DZIP1L: variants seen among roughly 807,000 people sequenced by gnomAD.
DZIP1L encodes DAZ interacting zinc finger protein 1 like, also known as cilium assembly protein DZIP1L.
Under a neutral mutation model 88.7 loss-of-function variants are expected in DZIP1L, and 90 were observed. The ratio of observed to expected loss-of-function variants is 1.02; its 90% CI spans 0.86 to 1.21. The LOEUF is 1.21. Ranked by LOEUF, DZIP1L falls within the 50% of genes most tolerant of loss-of-function variation. DZIP1L has a pLI of 0.00. For missense variants in DZIP1L, 932 were observed against 955.8 expected (o/e 0.98, Z 0.33); for synonymous variants, 363 against 372.1 (o/e 0.98, Z 0.28).
chr3:138,075,809 C>T (rs946187123), intron 11 of DZIP1L, among the ~76,000 whole-genome samples: 1 of 152,144 alleles, frequency 6.6e-6, no homozygotes, highest in African/African-American at 2.4e-5. Flanking sequence ...GAAACCCCGT[C>T]TCTACTGGGT....
At position 138,097,927 on chromosome 3, in the gene DZIP1L, C is replaced by T. The variant is rs1559854874; in HGVS notation, c.502-80G>A. The T allele has an allele frequency of 1.3e-5, 16 of 1,279,298 alleles. No homozygotes were observed. In the South Asian group the frequency reaches 1.9e-4, roughly 15 times the overall value. The allele number at this position is 1,279,298 out of a possible 1,614,324, so 79.2% of individuals were successfully genotyped here. A position where few individuals can be genotyped will look rare whatever the true frequency, so the allele number is the denominator to read the frequency against. ...GGGATTTTCCCTATATCAAAGCCCC[C>T]ATCCCCTTGGGACCCCTGGGCTGCT... On this transcript the variant is annotated intron_variant, in intron 2 of 15. Transcript: ENST00000327532.
chr3:138,067,266 C>T lies in DZIP1L; in HGVS notation c.2002+265G>A, dbSNP rs114756343. Among the ~76,000 whole-genome samples, 555 of 152,292 alleles carry T rather than the reference C, an allele frequency of 3.6e-3. 2 individuals are homozygous for T. The highest frequency in any genetic ancestry group is 0.011 in the African/African-American group (456 of 41,550). On this transcript the variant is annotated intron_variant, in intron 14 of 15. Coordinates refer to ENST00000327532, the MANE Select transcript of DZIP1L (RefSeq NM_173543.3). Reference sequence around the variant, plus strand: ...AAAGGGGTGAATGGCTCCCTTCAACCTCCCACAGTTAACAATTTAATGACA... The same window carrying T: ...AAAGGGGTGAATGGCTCCCTTCAACTTCCCACAGTTAACAATTTAATGACA...
intron 8 of DZIP1L, among the ~76,000 whole-genome samples, chr3:138,083,368 G>C (rs576867171): frequency 6.2e-4 from 94 of 152,212 alleles, no homozygotes; most frequent in Non-Finnish European, 1.1e-3. Context: ...AGTAACAGTG[G>C]GTGCTCAGCC....
At chr3:138,112,598 G>A (rs537225540) in intron 1 of DZIP1L, 7 of 152,148 alleles carry the variant, frequency 4.6e-5, no homozygotes, top group South Asian at 2.1e-4. Context: ...TTTTTCAGAC[G>A]AATTGTGAGC....
chr3:138,089,089 T>C, intron 5 of DZIP1L: 1 of 985,446 alleles, frequency 1.0e-6, no homozygotes, highest in Non-Finnish European at 1.2e-6. Flanking sequence ...AATATATGAC[T>C]GTCGTAGTAA....
In DZIP1L at chr3:138,084,138, C is replaced by T; in HGVS notation, c.1178G>A (p.Arg393Lys). 1 of 1,614,126 alleles carries T rather than the reference C, an allele frequency of 6.2e-7. No individual in the cohort carries two copies. Among genetic ancestry groups the T allele is most frequent in the Non-Finnish European group, 8.5e-7 (1 of 1,179,978 alleles). Reference protein sequence around the residue: ...TLRAQLQEQARIIASQEEMIQ... With the variant: ...TLRAQLQEQAKIIASQEEMIQ... ...CATCTCCTCCTGGGAGGCAATGATC[C>T]TAGCTTGTTCCTGCAGCTGGGCACG... Residue 393 changes from arginine to lysine, a missense_variant, in exon 8 of 16, where the codon AGG (arginine) becomes AAG (lysine). Transcript: ENST00000327532.
chr3:138,087,078 A>G, intron 6 of DZIP1L, 55 bp from the exon 7 acceptor site: 1 of 1,564,034 alleles, frequency 6.4e-7, no homozygotes, highest in Non-Finnish European at 8.8e-7. Context: ...AAAACATGTT[A>G]TAAAGCTACA....
chr3:138,113,981 A>G (rs1426946078), intron 1 of DZIP1L, among the ~76,000 whole-genome samples: 5 of 150,942 alleles, frequency 3.3e-5, no homozygotes, highest in Admixed American at 3.3e-4. Context: ...AGAGGAATGA[A>G]TACTGACATG....
chr3:138,083,299 T>C (rs907072655), intron 8 of DZIP1L, among the ~76,000 whole-genome samples: 4 of 152,110 alleles, frequency 2.6e-5, no homozygotes, highest in Admixed American at 1.3e-4. Flanking sequence ...GAAATGTGGC[T>C]GGGTGTGTGG....
chr3:138,077,924 T>TA (rs1422529780), intron 10 of DZIP1L, among the ~76,000 whole-genome samples: 5 of 152,198 alleles, frequency 3.3e-5, no homozygotes, highest in Non-Finnish European at 7.3e-5. Flanking sequence ...GTGGACAAGA[T>TA]AGACAGATCG....
At chr3:138,114,646 A>G (rs1318545819) in intron 1 of DZIP1L, among the ~76,000 whole-genome samples, 1 of 152,174 alleles carries the variant, frequency 6.6e-6, no homozygotes, top group Non-Finnish European at 1.5e-5. Context: ...AAGTCCTGTT[A>G]GAAATCGAAT....
At chr3:138,115,126 G>C (rs2042671274) in intron 1 of DZIP1L, among the ~76,000 whole-genome samples, 1 of 152,040 alleles carries the variant, frequency 6.6e-6, no homozygotes, top group Non-Finnish European at 1.5e-5. Flanking sequence ...GCAGGGCCGC[G>C]CCGGGCCAGA....
intron 1 of DZIP1L, among the ~76,000 whole-genome samples, chr3:138,106,878 G>A (rs2042510426): frequency 6.6e-6 from 1 of 150,634 alleles, no homozygotes; most frequent in Non-Finnish European, 1.5e-5. Flanking sequence ...AAGAGAGAGA[G>A]AGAGAGAAAG....
At chr3:138,105,091 T>C (rs1236202441) in intron 1 of DZIP1L, among the ~76,000 whole-genome samples, 5 of 152,162 alleles carry the variant, frequency 3.3e-5, no homozygotes, top group East Asian at 3.8e-4. Flanking sequence ...TGTACTGATA[T>C]GAAATGATAA....
chr3:138,080,811 C>T (rs1189883351), intron 9 of DZIP1L, among the ~76,000 whole-genome samples, 191 bp from the exon 10 acceptor site: 2 of 152,176 alleles, frequency 1.3e-5, no homozygotes, highest in Admixed American at 1.3e-4. Flanking sequence ...ACTAGCTCTG[C>T]CCCTCGCTAT....
Position 138,064,690 on chromosome 3 carries a change from T to C in DZIP1L, c.2080A>G (p.Ser694Gly), listed in dbSNP as rs1460571527. The C allele has an allele frequency of 6.2e-7, 1 of 1,614,078 alleles. No homozygotes were observed. Among genetic ancestry groups the C allele is most frequent in the East Asian group, 2.2e-5 (1 of 44,884 alleles). ...APAKKPAGGVSLFFMPNAGPQ... is the reference protein window; with the variant it reads ...APAKKPAGGVGLFFMPNAGPQ... ...CCAGCATTGGGCATAAAAAACAGAC[T>C]GACCCCTCCAGCAGGCTTCTTTGCT... Residue 694 changes from serine (S) to glycine (G), a missense_variant, in exon 15 of 16, where the codon AGT (serine) becomes GGT (glycine). Transcript: ENST00000327532.
chr3:138,102,432 C>T (rs1024999793), intron 2 of DZIP1L: 3 of 1,429,428 alleles, frequency 2.1e-6, no homozygotes, highest in East Asian at 2.3e-5. Flanking sequence ...CAAGCTCTGC[C>T]TTCAGCTTCA....
chr3:138,073,413 C>T (rs1559829013), intron 11 of DZIP1L, among the ~76,000 whole-genome samples: 1 of 152,158 alleles, frequency 6.6e-6, no homozygotes, highest in Non-Finnish European at 1.5e-5. Flanking sequence ...TGCAGACACT[C>T]CCCAGTACCA....
intron 2 of DZIP1L, chr3:138,102,026 T>A: frequency 6.8e-7 from 1 of 1,463,494 alleles, no homozygotes; most frequent in Non-Finnish European, 9.5e-7. Flanking sequence ...GCAGGTCATC[T>A]CCATGCTTCC....
Sources: gnomAD v4.1 joint callset for allele counts (sites outside exome capture counted in the v4.1 genomes callset) on GRCh38, gnomAD v4.1.1 for gene constraint, MANE v1.5 for transcripts, NCBI Gene and HGNC (gene_info 2026-07-23, HGNC 2026-07-21) for gene names.